The following RGS6 variants were observed in gnomAD, a reference collection of about 807,000 sequenced individuals.
The protein encoded by RGS6 is regulator of G-protein signaling 6.
A neutral mutation model predicts 78.5 loss-of-function variants in RGS6; 30 were observed. That is an observed-to-expected ratio of 0.38 (90% CI 0.29 to 0.52). RGS6 has a LOEUF of 0.52. RGS6 is among the 20% of genes least tolerant of loss of function. The pLI is 0.85. For missense variants in RGS6, 495 were observed against 609.7 expected (o/e 0.81, Z 1.98); for synonymous variants, 206 against 206.0 (o/e 1.00, Z 0.00).
At chr14:72,131,548 C>A (rs2096316396) in intron 2 of RGS6, among the ~76,000 whole-genome samples, 1 of 152,144 alleles carries the variant, frequency 6.6e-6, no homozygotes, top group Non-Finnish European at 1.5e-5. Context: ...CCTGTCTCAC[C>A]TCAGGTAACA....
At chr14:72,402,676 T>C (rs1024875912) in intron 3 of RGS6, among the ~76,000 whole-genome samples, 1 of 151,992 alleles carries the variant, frequency 6.6e-6, no homozygotes, top group African/African-American at 2.4e-5. Flanking sequence ...GTACAGCCAC[T>C]ATGGAGAATA....
chr14:72,122,959 G>A (rs1318047900), intron 2 of RGS6, among the ~76,000 whole-genome samples: 2 of 151,992 alleles, frequency 1.3e-5, no homozygotes, highest in African/African-American at 4.8e-5. Context: ...TGATCACAGG[G>A]ATAAGTTTTT....
intron 1 of RGS6, among the ~76,000 whole-genome samples, chr14:71,938,226 T>C (rs370627805): frequency 1.3e-4 from 20 of 152,318 alleles, no homozygotes; most frequent in African/African-American, 4.3e-4. Context: ...CATAACTTTT[T>C]CCCAAATTTC....
the RGS6 span, among the ~76,000 whole-genome samples, chr14:71,878,132 A>G: frequency 6.6e-6 from 1 of 152,164 alleles, no homozygotes; most frequent in African/African-American, 2.4e-5. Flanking sequence ...GGAGCCAGGG[A>G]CCCACTTGAG....
At chr14:72,389,429 G>T (rs1191756310) in intron 3 of RGS6, among the ~76,000 whole-genome samples, 1 of 152,154 alleles carries the variant, frequency 6.6e-6, no homozygotes, top group Non-Finnish European at 1.5e-5. Context: ...CTGCTCCCTT[G>T]GGGGTAGGCC....
intron 3 of RGS6, among the ~76,000 whole-genome samples, chr14:72,395,425 T>TA (rs2090990316): frequency 6.6e-6 from 1 of 152,204 alleles, no homozygotes; most frequent in Admixed American, 6.5e-5. Context: ...ATTTTTAATT[T>TA]AAAAAATACA....
chr14:72,220,384 A>G (rs940029541), intron 2 of RGS6, among the ~76,000 whole-genome samples: 3 of 152,120 alleles, frequency 2.0e-5, no homozygotes, highest in Non-Finnish European at 4.4e-5. Flanking sequence ...CTTAGCCTGG[A>G]TAAAGTAGAT....
At chr14:72,297,431 T>TATTA (rs1176357493) in intron 2 of RGS6, among the ~76,000 whole-genome samples, 1 of 125,972 alleles carries the variant, frequency 7.9e-6, no homozygotes, top group Admixed American at 7.6e-5. Flanking sequence ...TTATTATTAT[T>TATTA]TTTTTTTTAT....
intron 2 of RGS6, among the ~76,000 whole-genome samples, chr14:72,238,793 A>T (rs893668320): frequency 1.3e-5 from 2 of 152,142 alleles, no homozygotes; most frequent in African/African-American, 4.8e-5. Flanking sequence ...CTCCAACCTG[A>T]TTCTGCAACA....
At chr14:72,312,707 C>T (rs1451928978) in intron 2 of RGS6, among the ~76,000 whole-genome samples, 1 of 152,144 alleles carries the variant, frequency 6.6e-6, no homozygotes, top group Non-Finnish European at 1.5e-5. Flanking sequence ...GAATTATACA[C>T]CTACCGCAAA....
the RGS6 span, among the ~76,000 whole-genome samples, chr14:72,593,056 A>T: frequency 2.0e-5 from 3 of 152,168 alleles, no homozygotes; most frequent in Non-Finnish European, 4.4e-5. Context: ...ATGATTTCCA[A>T]TTCCTAGGAG....
chr14:71,973,263 T>C (rs1028030737), intron 2 of RGS6, among the ~76,000 whole-genome samples: 1 of 152,204 alleles, frequency 6.6e-6, no homozygotes, highest in Non-Finnish European at 1.5e-5. Context: ...TTATTTTTAA[T>C]TTTCTTTAAA....
intron 15 of RGS6, among the ~76,000 whole-genome samples, chr14:72,526,036 T>A (rs1208488567): frequency 6.6e-6 from 1 of 152,152 alleles, no homozygotes; most frequent in African/African-American, 2.4e-5. Context: ...TCTTGGTTGC[T>A]ACATCTAAGC....
chr14:72,483,628 A>G (rs2096427155), intron 12 of RGS6, among the ~76,000 whole-genome samples: 1 of 152,164 alleles, frequency 6.6e-6, no homozygotes, highest in African/African-American at 2.4e-5. Flanking sequence ...AGAGGGTCAC[A>G]GAAGTCATTA....
intron 2 of RGS6, among the ~76,000 whole-genome samples, chr14:72,271,206 TAA>T (rs1031482549): frequency 1.3e-5 from 2 of 152,120 alleles, no homozygotes; most frequent in Non-Finnish European, 2.9e-5. Flanking sequence ...GGGTAATTTA[TAA>T]AGGAAAGAGG....
At chr14:72,365,958 TGAGG>T (rs2152812607) in intron 3 of RGS6, among the ~76,000 whole-genome samples, 2 of 152,186 alleles carry the variant, frequency 1.3e-5, no homozygotes, top group Admixed American at 1.3e-4. Context: ...AACTTGGAAG[TGAGG>T]AGCCAAAGTC....
intron 3 of RGS6, among the ~76,000 whole-genome samples, chr14:72,357,968 G>A (rs2080689757): frequency 6.6e-6 from 1 of 152,152 alleles, no homozygotes; most frequent in African/African-American, 2.4e-5. Flanking sequence ...CCACTGCTGT[G>A]TGCAGCCTAG....
chr14:71,880,633 CTG>C, the RGS6 span, among the ~76,000 whole-genome samples: 1 of 152,252 alleles, frequency 6.6e-6, no homozygotes, highest in Non-Finnish European at 1.5e-5. Context: ...GATATTGAGA[CTG>C]TGAGTGCACA....
chr14:72,083,488 G>A (rs2094906572), intron 2 of RGS6, among the ~76,000 whole-genome samples: 1 of 152,090 alleles, frequency 6.6e-6, no homozygotes, highest in African/African-American at 2.4e-5. Flanking sequence ...TCACCCTTCA[G>A]GGCCAAGGAA....
Sources: gnomAD v4.1 joint callset for allele counts (sites outside exome capture counted in the v4.1 genomes callset) on GRCh38, gnomAD v4.1.1 for gene constraint, MANE v1.5 for transcripts, NCBI Gene and HGNC (gene_info 2026-07-23, HGNC 2026-07-21) for gene names.